DLG2: variants seen among roughly 807,000 people sequenced by gnomAD.
DLG2 encodes the protein discs large MAGUK scaffold protein 2.
In DLG2, 45 loss-of-function variants were observed where a neutral mutation model predicts 132.5. The ratio of observed to expected loss-of-function variants is 0.34; its 90% confidence interval spans 0.27 to 0.44. The LOEUF (loss-of-function observed/expected upper bound fraction) is 0.44. Ranked by LOEUF, DLG2 falls within the 20% of genes least tolerant of loss-of-function variation. The probability of loss-of-function intolerance (pLI) is 1.00; values close to 1 mark genes in which losing one functional copy is unlikely to be tolerated. For missense variants in DLG2, 1,045 were observed against 1,196.9 expected, an observed-to-expected ratio of 0.87 and a Z score of 1.87; for synonymous variants, 424 against 419.6, an observed-to-expected ratio of 1.01 and a Z score of -0.13.
At chr11:85,209,948 T>C (rs2082152800) in intron 4 of DLG2, among the ~76,000 whole-genome samples, 1 of 151,932 alleles carries the variant, frequency 6.6e-6, no homozygotes, top group African/African-American at 2.4e-5. Context: ...ATATCTCCCT[T>C]TTTCATAACT....
chr11:84,669,290 G>C (rs1379870174), intron 6 of DLG2, among the ~76,000 whole-genome samples: 1 of 152,036 alleles, frequency 6.6e-6, no homozygotes, highest in Non-Finnish European at 1.5e-5. Flanking sequence ...AAACAAGGGG[G>C]AGTATGGCTA....
intron 4 of DLG2, among the ~76,000 whole-genome samples, chr11:85,270,108 GTACCA>G (rs2077436957): frequency 6.6e-6 from 1 of 152,082 alleles, no homozygotes. Context: ...ATACATATTG[GTACCA>G]TTTGGCTGTG....
At chr11:83,576,630 CTTTAAAG>C (rs1167302518) in intron 19 of DLG2, among the ~76,000 whole-genome samples, 1 of 152,188 alleles carries the variant, frequency 6.6e-6, no homozygotes, top group Non-Finnish European at 1.5e-5. Flanking sequence ...AAGGCAACAT[CTTTAAAG>C]TTACCTGCAC....
chr11:84,765,611 T>C (rs977772714), intron 6 of DLG2, among the ~76,000 whole-genome samples: 40 of 152,096 alleles, frequency 2.6e-4, no homozygotes, highest in African/African-American at 9.2e-4. Context: ...CCAGAACAGA[T>C]ATACAACTTC....
chr11:83,825,041 G>GTTGT (rs1654173197), intron 17 of DLG2, among the ~76,000 whole-genome samples: 1 of 144,924 alleles, frequency 6.9e-6, no homozygotes, highest in South Asian at 2.2e-4. Flanking sequence ...TTTTCTTTTT[G>GTTGT]TTGTTGTTGT....
At chr11:84,566,690 G>A (rs1228799892) in intron 6 of DLG2, among the ~76,000 whole-genome samples, 1 of 152,212 alleles carries the variant, frequency 6.6e-6, no homozygotes, top group African/African-American at 2.4e-5. Context: ...TATAAGAGAA[G>A]TGTGTTTAAA....
At chr11:85,004,884 T>C (rs889538828) in intron 6 of DLG2, among the ~76,000 whole-genome samples, 1 of 152,200 alleles carries the variant, frequency 6.6e-6, no homozygotes, top group Non-Finnish European at 1.5e-5. Context: ...CTTTGATCCA[T>C]CTTGAGCTAA....
chr11:84,625,127 T>G (rs2099620459), intron 6 of DLG2, among the ~76,000 whole-genome samples: 1 of 151,946 alleles, frequency 6.6e-6, no homozygotes, highest in Non-Finnish European at 1.5e-5. Context: ...CCCAAAGTGC[T>G]GGGATTACAG....
intron 6 of DLG2, among the ~76,000 whole-genome samples, chr11:85,065,148 C>A (rs2154161975): frequency 6.6e-6 from 1 of 151,436 alleles, no homozygotes; most frequent in East Asian, 2.0e-4. Context: ...CTAAACATTT[C>A]TTTAGTATTA....
At chr11:83,951,391 C>G (rs1236741005) in intron 14 of DLG2, among the ~76,000 whole-genome samples, 1 of 151,890 alleles carries the variant, frequency 6.6e-6, no homozygotes, top group Non-Finnish European at 1.5e-5. Flanking sequence ...CAAACAAATA[C>G]TCAAATAAAA....
intron 6 of DLG2, among the ~76,000 whole-genome samples, chr11:84,764,489 T>C (rs750494821): frequency 1.2e-4 from 18 of 152,244 alleles, no homozygotes; most frequent in African/African-American, 3.9e-4. Context: ...CTAAGCACTT[T>C]ATAATAAAAA....
At chr11:85,553,970 A>T (rs1476283269) in intron 3 of DLG2, among the ~76,000 whole-genome samples, 1 of 151,400 alleles carries the variant, frequency 6.6e-6, no homozygotes, top group Admixed American at 6.6e-5. Context: ...TAACAGCATG[A>T]CATATAAAAA....
chr11:85,010,046 A>C (rs2059017604), intron 6 of DLG2, among the ~76,000 whole-genome samples: 2 of 152,116 alleles, frequency 1.3e-5, no homozygotes, highest in African/African-American at 4.8e-5. Flanking sequence ...GTGTGTAGGC[A>C]ATAAGTACAA....
intron 3 of DLG2, among the ~76,000 whole-genome samples, chr11:85,333,073 A>T (rs1036929716): frequency 6.6e-6 from 1 of 152,132 alleles, no homozygotes; most frequent in Non-Finnish European, 1.5e-5. Flanking sequence ...GATTCTTCCT[A>T]TCCATGAGCA....
At chr11:83,508,252 T>G (rs1292627274) in intron 21 of DLG2, among the ~76,000 whole-genome samples, 1 of 151,682 alleles carries the variant, frequency 6.6e-6, no homozygotes, top group East Asian at 1.9e-4. Context: ...CATCTTTTTT[T>G]TTTTTTTTGA....
At chr11:84,405,557 T>C (rs1347505080) in intron 7 of DLG2, among the ~76,000 whole-genome samples, 1 of 152,170 alleles carries the variant, frequency 6.6e-6, no homozygotes, top group East Asian at 1.9e-4. Context: ...ATATCTAACC[T>C]ATTGAAAGCC....
At chr11:83,765,972 T>G (rs561783719) in intron 18 of DLG2, among the ~76,000 whole-genome samples, 1 of 152,338 alleles carries the variant, frequency 6.6e-6, no homozygotes, top group East Asian at 1.9e-4. Context: ...AATGTCCATT[T>G]TATTTATTTC....
At chr11:84,580,511 G>A (rs1355048236) in intron 6 of DLG2, among the ~76,000 whole-genome samples, 1 of 152,124 alleles carries the variant, frequency 6.6e-6, no homozygotes, top group East Asian at 1.9e-4. Flanking sequence ...CAGTTCACAG[G>A]CTCTGTGTGA....
intron 7 of DLG2, among the ~76,000 whole-genome samples, chr11:84,373,907 A>T (rs1416970276): frequency 1.3e-5 from 2 of 152,196 alleles, no homozygotes; most frequent in Non-Finnish European, 2.9e-5. Context: ...TCTAAAATAT[A>T]AACATAAGGA....
Sources: allele counts gnomAD v4.1 joint callset (sites outside exome capture counted in the v4.1 genomes callset), GRCh38; gene constraint gnomAD v4.1.1; transcripts MANE v1.5; gene names NCBI Gene and HGNC (gene_info 2026-07-23, HGNC 2026-07-21).